PSD3: variants seen among roughly 807,000 people sequenced by gnomAD.
PSD3 encodes the protein PH and SEC7 domain-containing protein 3.
Under a neutral mutation model 105.5 loss-of-function variants are expected in PSD3, and 49 were observed. That is an observed-to-expected ratio of 0.46 (90% CI 0.37 to 0.59). The LOEUF (loss-of-function observed/expected upper bound fraction) is 0.59. PSD3 is among the 20% of genes least tolerant of loss of function. The pLI is 0.00. For missense variants in PSD3, 1,561 were observed against 1,263.8 expected (o/e 1.24, Z -3.57); for synonymous variants, 557 against 457.8 (o/e 1.22, Z -2.77).
chr8:18,993,759 G>C lies in PSD3; in HGVS notation c.21+19804C>G, dbSNP rs76920322. Among the ~76,000 whole-genome samples the C allele has an allele frequency of 6.3e-4, 96 of 152,036 alleles. 1 individual carries two copies. In the East Asian group the frequency reaches 0.01, roughly 17 times the overall value. ...AAATCGAAGATCAATCAGAAACCAA[G>C]ATAAAGTAACTCTGAAATTAAGACT... On this transcript the variant is annotated intron_variant, in intron 1 of 15. Coordinates refer to ENST00000327040, the MANE Select transcript of PSD3 (RefSeq NM_015310.4).
intron 1 of PSD3, among the ~76,000 whole-genome samples, chr8:19,068,762 A>G (rs1431145799): frequency 2.3e-5 from 1 of 43,900 alleles, no homozygotes; most frequent in Non-Finnish European, 4.6e-5. Context: ...AAGTTTAATT[A>G]AAAAAAAAAA....
chr8:18,942,075 G>T (rs893878933), intron 1 of PSD3, among the ~76,000 whole-genome samples: 5 of 152,124 alleles, frequency 3.3e-5, no homozygotes, highest in Admixed American at 1.3e-4. Flanking sequence ...GTTTTCAGTT[G>T]ATTTGGGAAG....
At chr8:18,915,455 G>C (rs1820521886) in intron 2 of PSD3, among the ~76,000 whole-genome samples, 1 of 152,102 alleles carries the variant, frequency 6.6e-6, no homozygotes, top group African/African-American at 2.4e-5. Flanking sequence ...CTTATAAGCA[G>C]TTAATATCCA....
intron 11 of PSD3, among the ~76,000 whole-genome samples, chr8:18,603,974 C>T (rs2130594276): frequency 6.6e-6 from 1 of 152,310 alleles, no homozygotes; most frequent in Admixed American, 6.5e-5. Context: ...ATTACCCAGT[C>T]TCAGGTTTTC....
At position 18,804,246 on chromosome 8, in the gene PSD3, T is replaced by C. The variant is rs1258411088; in HGVS notation, c.1910+276A>G. On this transcript the variant is annotated intron_variant, in intron 6 of 15. Coordinates refer to ENST00000327040, the MANE Select transcript of PSD3 (RefSeq NM_015310.4). ...CTCCAAAATCTACAACACTTTTCAGTGCTGAAATAAGGTTCAAAGGAAATG... is the reference window on the plus strand; with the variant it reads ...CTCCAAAATCTACAACACTTTTCAGCGCTGAAATAAGGTTCAAAGGAAATG... 3.7e-5 allele frequency: 11 copies of C among 299,414 alleles called. No homozygotes were observed. In the East Asian group the frequency reaches 6.0e-4, roughly 16 times the overall value. The allele number at this position is 299,414 out of a possible 1,614,324, so 18.5% of individuals were successfully genotyped here. A position where few individuals can be genotyped will look rare whatever the true frequency, so the allele number is the denominator to read the frequency against.
chr8:18,726,916 G>A (rs1329295742), intron 9 of PSD3, among the ~76,000 whole-genome samples: 3 of 152,128 alleles, frequency 2.0e-5, no homozygotes, highest in Non-Finnish European at 4.4e-5. Context: ...GGCTGGGTGC[G>A]GTGGCTCATG....
rs149259890 is a variant in PSD3, at chr8:18,575,978, A to C, written c.2482-693T>G. ...CCCTTCCTCCTTCCCATATTTTATC[A>C]AAAACAAGATAAACATGCATTCTGT... On this transcript the variant is annotated intron_variant, in intron 12 of 15. Transcript: ENST00000327040. Among the ~76,000 whole-genome samples, 660 of 152,280 alleles carry C rather than the reference A, an allele frequency of 4.3e-3. 4 individuals carry two copies. The highest frequency in any genetic ancestry group is 0.015 in the African/African-American group (632 of 41,562).
chr8:18,556,383 C>G, intron 14 of PSD3, 31 bp from the exon 15 acceptor site: 1 of 1,349,402 alleles, frequency 7.4e-7, no homozygotes, highest in Non-Finnish European at 1.0e-6. Flanking sequence ...ATTTAGCGTT[C>G]AAAAAAAAAA....
chr8:19,037,994 T>C (rs1339639084), intron 1 of PSD3, among the ~76,000 whole-genome samples: 1 of 150,712 alleles, frequency 6.6e-6, no homozygotes, highest in Admixed American at 6.6e-5. Context: ...ATTTATATTA[T>C]AGATTATTTA....
At chr8:18,707,779 G>C (rs768898412) in intron 9 of PSD3, among the ~76,000 whole-genome samples, 14 of 152,188 alleles carry the variant, frequency 9.2e-5, no homozygotes, top group South Asian at 2.1e-4. Flanking sequence ...TCCCCGAAGA[G>C]TACAGTCTGA....
At chr8:18,751,255 C>A (rs1030357956) in intron 9 of PSD3, among the ~76,000 whole-genome samples, 1 of 152,196 alleles carries the variant, frequency 6.6e-6, no homozygotes, top group Admixed American at 6.5e-5. Flanking sequence ...GCTGGGGGAC[C>A]CAGTACACCC....
chr8:18,937,255 T>A (rs13274880), intron 1 of PSD3, among the ~76,000 whole-genome samples: 14,838 of 152,202 alleles, frequency 0.097, 806 homozygotes, highest in Middle Eastern at 0.24. Context: ...TTCTTTTGCC[T>A]CTTTACTATG....
intron 2 of PSD3, among the ~76,000 whole-genome samples, chr8:18,918,450 C>T (rs576811159): frequency 6.6e-6 from 1 of 152,278 alleles, no homozygotes; most frequent in South Asian, 2.1e-4. Context: ...TTATTACTTG[C>T]CTGTTTCTCC....
chr8:18,558,540 G>C (rs1801212120), intron 14 of PSD3, among the ~76,000 whole-genome samples: 1 of 152,118 alleles, frequency 6.6e-6, no homozygotes, highest in South Asian at 2.1e-4. Flanking sequence ...CAGAAGTGTA[G>C]CCGGGTGTGG....
intron 4 of PSD3, among the ~76,000 whole-genome samples, chr8:18,851,016 C>G (rs1815521925): frequency 6.6e-6 from 1 of 152,124 alleles, no homozygotes; most frequent in Admixed American, 6.5e-5. Context: ...GCAAGGACAC[C>G]AGAACACCAG....
chr8:18,975,314 ATTTTTTT>A (rs71218914), intron 1 of PSD3, among the ~76,000 whole-genome samples: 16,316 of 144,384 alleles, frequency 0.11, 1,116 homozygotes, highest in Non-Finnish European at 0.16. Flanking sequence ...ATTTTCTGAA[ATTTTTTT>A]TTTTTTTTTT....
intron 1 of PSD3, among the ~76,000 whole-genome samples, chr8:18,988,870 TA>T (rs2129473355): frequency 6.6e-6 from 1 of 152,174 alleles, no homozygotes; most frequent in East Asian, 1.9e-4. Flanking sequence ...TGACATGGAA[TA>T]AAAAGCGTGT....
In PSD3 at chr8:19,019,171, AC is replaced by A. The variant is rs1295498527; in HGVS notation, c.324+65034del. On this transcript the variant is annotated intron_variant, in intron 1 of 1. Coordinates refer to the PSD3 transcript ENST00000521475. ...TGGAAATAAATGCCAAGCAAAAAAA[AC>A]AGAGATGGAAGGAATCATGAAAACA... Among the ~76,000 whole-genome samples the A allele has an allele frequency of 3.3e-5, 5 of 152,240 alleles. No homozygotes were observed. In the East Asian group the frequency reaches 7.7e-4, roughly 23 times the overall value.
At chr8:18,570,725 CTCA>C (rs1802076232) in intron 14 of PSD3, among the ~76,000 whole-genome samples, 1 of 151,678 alleles carries the variant, frequency 6.6e-6, no homozygotes, top group Non-Finnish European at 1.5e-5. Flanking sequence ...TGAAAAAATG[CTCA>C]TCATCACTGG....
Sources: allele counts gnomAD v4.1 joint callset (sites outside exome capture counted in the v4.1 genomes callset), GRCh38; gene constraint gnomAD v4.1.1; transcripts MANE v1.5; gene names NCBI Gene and HGNC (gene_info 2026-07-23, HGNC 2026-07-21).